MBNL2: variants seen among roughly 807,000 people sequenced by gnomAD.
MBNL2 encodes the protein muscleblind-like protein 2.
Under a neutral mutation model 41.9 loss-of-function variants are expected in MBNL2, and 17 were observed. The ratio of observed to expected loss-of-function variants is 0.41; its 90% CI spans 0.28 to 0.61. MBNL2 has a LOEUF of 0.61. Among genes scored for constraint, MBNL2 ranks in the 20% least tolerant of loss-of-function variants. The probability of loss-of-function intolerance (pLI) is 0.35; values close to 1 mark genes in which losing one functional copy is unlikely to be tolerated. For synonymous variants in MBNL2, 195 were observed against 182.9 expected (o/e 1.07, Z -0.53); for missense variants, 336 against 505.6 (o/e 0.66, Z 3.22).
intron 1 of MBNL2, among the ~76,000 whole-genome samples, chr13:97,261,642 G>T (rs918493647): frequency 6.6e-6 from 1 of 152,126 alleles, no homozygotes; most frequent in African/African-American, 2.4e-5. Context: ...CTCTTTCCCT[G>T]CCATCTTCTG....
intron 2 of MBNL2, among the ~76,000 whole-genome samples, chr13:97,327,308 C>T (rs1288393760): frequency 6.6e-6 from 1 of 152,026 alleles, no homozygotes; most frequent in Non-Finnish European, 1.5e-5. Flanking sequence ...ATACCTGGAC[C>T]ATTGCCAACA....
intron 8 of MBNL2, among the ~76,000 whole-genome samples, chr13:97,380,411 T>C (rs1264244947): frequency 3.3e-5 from 5 of 152,070 alleles, no homozygotes; most frequent in Admixed American, 3.3e-4. Flanking sequence ...GGACAATCGC[T>C]TGGACCTGGG....
chr13:97,351,853 G>A lies in MBNL2; in HGVS notation c.804+4786G>A, dbSNP rs1157516946. Among the ~76,000 whole-genome samples, 4 of 151,784 alleles carry A rather than the reference G, an allele frequency of 2.6e-5. No individual in the cohort carries two copies. In the South Asian group the frequency reaches 6.2e-4, roughly 24 times the overall value. ...AGCCTGGCCAACATGGTGAAACCCC[G>A]TCTCTACTAAAAATACAAAAATTAG... is the stretch of plus-strand genomic sequence containing the variant. On this transcript the variant is annotated intron_variant, in intron 5 of 8. Transcript: ENST00000679496.
intron 8 of MBNL2, among the ~76,000 whole-genome samples, chr13:97,365,917 C>T (rs1015811466): frequency 6.6e-6 from 1 of 151,918 alleles, no homozygotes; most frequent in African/African-American, 2.4e-5. Context: ...TTTATTGATT[C>T]AAATAAACCA....
At chr13:97,206,228 G>A in the MBNL2 span, among the ~76,000 whole-genome samples, 4 of 152,132 alleles carry the variant, frequency 2.6e-5, no homozygotes, top group African/African-American at 4.8e-5. Context: ...GATCCTCAGA[G>A]AGCAAGCCAC....
intron 5 of MBNL2, among the ~76,000 whole-genome samples, chr13:97,347,458 G>A (rs570314799): frequency 5.3e-5 from 8 of 152,322 alleles, no homozygotes; most frequent in Admixed American, 4.6e-4. Context: ...GCACGAGGAG[G>A]CACCCAGCTC....
chr13:97,303,123 C>T (rs1308072440), intron 2 of MBNL2, among the ~76,000 whole-genome samples: 2 of 152,142 alleles, frequency 1.3e-5, no homozygotes, highest in South Asian at 2.1e-4. Flanking sequence ...GGAGGAATCA[C>T]GAAACCTTTC....
At chr13:97,355,114 G>C (rs1280823135) in intron 5 of MBNL2, among the ~76,000 whole-genome samples, 1 of 152,200 alleles carries the variant, frequency 6.6e-6, no homozygotes, top group Non-Finnish European at 1.5e-5. Flanking sequence ...AGAATATCCA[G>C]TACACAGATG....
the MBNL2 span, among the ~76,000 whole-genome samples, chr13:97,143,611 T>A: frequency 6.6e-6 from 1 of 152,246 alleles, no homozygotes; most frequent in South Asian, 2.1e-4. Flanking sequence ...CAGATGATGT[T>A]TTGTTGACAG....
intron 1 of MBNL2, among the ~76,000 whole-genome samples, chr13:97,273,793 G>A (rs1027879967): frequency 6.6e-6 from 1 of 152,174 alleles, no homozygotes; most frequent in African/African-American, 2.4e-5. Flanking sequence ...GGACGCGGTG[G>A]CTCACGTCTG....
Position 97,239,918 on chromosome 13 carries a change from G to A in MBNL2, c.-605+17387G>A, listed in dbSNP as rs550681132. ...ACCCAGAATAAGATTTGTAGCCACT[G>A]GTACAAGGTTGTATTTCTGGACTAT... On this transcript the variant is annotated intron_variant, in intron 1 of 8. Transcript: ENST00000679496. Among the ~76,000 whole-genome samples the A allele has an allele frequency of 3.9e-5, 6 of 152,304 alleles. No homozygotes were observed. The South Asian group carries it at 1.2e-3, about 32-fold the overall frequency.
At chr13:97,328,096 C>G (rs982098855) in intron 2 of MBNL2, among the ~76,000 whole-genome samples, 2 of 151,906 alleles carry the variant, frequency 1.3e-5, no homozygotes, top group African/African-American at 4.8e-5. Context: ...CAAGGTCCCA[C>G]TTGCCCAAGG....
the MBNL2 span, among the ~76,000 whole-genome samples, chr13:97,211,153 G>T: frequency 6.6e-6 from 1 of 152,310 alleles, no homozygotes; most frequent in Non-Finnish European, 1.5e-5. Flanking sequence ...GCCTTGTCTT[G>T]CTGTCTGCTT....
intron 2 of MBNL2, among the ~76,000 whole-genome samples, chr13:97,285,551 T>C (rs1347869789): frequency 6.6e-6 from 1 of 152,198 alleles, no homozygotes; most frequent in East Asian, 1.9e-4. Flanking sequence ...ATGTGATGTT[T>C]CCCAATTTCT....
At chr13:97,191,933 A>G in the MBNL2 span, among the ~76,000 whole-genome samples, 1 of 152,200 alleles carries the variant, frequency 6.6e-6, no homozygotes, top group South Asian at 2.1e-4. Context: ...ATGCCTCTAT[A>G]CAGGACAGTC....
intron 8 of MBNL2, among the ~76,000 whole-genome samples, chr13:97,367,753 A>C (rs2063978733): frequency 6.6e-6 from 1 of 152,192 alleles, no homozygotes. Context: ...GAGGCCGAAC[A>C]GCAGTGCAGA....
At chr13:97,153,289 G>A in the MBNL2 span, among the ~76,000 whole-genome samples, 2 of 151,908 alleles carry the variant, frequency 1.3e-5, no homozygotes, top group Non-Finnish European at 2.9e-5. Context: ...GGAAAGAGGA[G>A]CACATGCACG....
intron 2 of MBNL2, among the ~76,000 whole-genome samples, chr13:97,319,297 A>G (rs2059308159): frequency 6.6e-6 from 1 of 152,196 alleles, no homozygotes; most frequent in Non-Finnish European, 1.5e-5. Context: ...GCTGGTGCAA[A>G]GATTCAGTGT....
Position 97,387,905 on chromosome 13 carries a change from A to G in MBNL2, c.1049-3417A>G, listed in dbSNP as rs147339242. Among the ~76,000 whole-genome samples, 429 of 152,240 alleles carry G rather than the reference A, an allele frequency of 2.8e-3. 2 individuals carry two copies. Among genetic ancestry groups the G allele is most frequent in the African/African-American group, 9.8e-3 (405 of 41,536 alleles). ...AGAGGAGACTGGCAGGAGACCCCCA[A>G]TGTGGTGGCTGTTTCTCTGACTTAC... On this transcript the variant is annotated intron_variant, in intron 8 of 8. Coordinates refer to ENST00000679496, the MANE Select transcript of MBNL2 (RefSeq NM_001382683.1).
Sources: allele counts gnomAD v4.1 joint callset (sites outside exome capture counted in the v4.1 genomes callset), GRCh38; gene constraint gnomAD v4.1.1; transcripts MANE v1.5; gene names NCBI Gene and HGNC (gene_info 2026-07-23, HGNC 2026-07-21).